The following MYH10 variants were observed in gnomAD, a reference collection of about 807,000 sequenced individuals.
MYH10 encodes myosin heavy chain 10, also known as myosin-10.
A neutral mutation model predicts 257.8 loss-of-function variants in MYH10; 55 were observed. The observed-to-expected ratio is 0.21, with a 90% CI of 0.17 to 0.27. The LOEUF (loss-of-function observed/expected upper bound fraction) is 0.27, where lower values mean the gene tolerates loss of function less well. MYH10 is among the 10% of genes least tolerant of loss of function. The pLI is 1.00. For synonymous variants in MYH10, 854 were observed against 921.7 expected (o/e 0.93, Z 1.33); for missense variants, 1,631 against 2,500.6 (o/e 0.65, Z 7.42).
chr17:8,505,055 C>T (rs2081030736), intron 27 of MYH10, 149 bp from the exon 28 acceptor site: 2 of 684,436 alleles, frequency 2.9e-6, no homozygotes, highest in African/African-American at 1.8e-5. Flanking sequence ...AGATGCTCAG[C>T]ACCTGCTAGG....
intron 16 of MYH10, among the ~76,000 whole-genome samples, chr17:8,532,750 TG>T (rs2082039326): frequency 6.6e-6 from 1 of 152,206 alleles, no homozygotes; most frequent in Non-Finnish European, 1.5e-5. Context: ...GTTTCTCAAC[TG>T]GATCACTAGC....
At chr17:8,534,513 G>A (rs2082088781) in intron 16 of MYH10, among the ~76,000 whole-genome samples, 1 of 152,070 alleles carries the variant, frequency 6.6e-6, no homozygotes, top group Non-Finnish European at 1.5e-5. Flanking sequence ...TCTTTCCTTT[G>A]GCCCCAATTG....
chr17:8,546,137 C>A (rs143023556), intron 12 of MYH10, among the ~76,000 whole-genome samples: 1 of 151,816 alleles, frequency 6.6e-6, no homozygotes, highest in African/African-American at 2.4e-5. Flanking sequence ...CAGCTCACTA[C>A]AACCTCCGCC....
At chr17:8,484,447 A>G (rs2151790992) in intron 36 of MYH10, among the ~76,000 whole-genome samples, 181 bp from the exon 37 acceptor site, 1 of 152,316 alleles carries the variant, frequency 6.6e-6, no homozygotes, top group Admixed American at 6.5e-5. Flanking sequence ...GCTTGTAAAC[A>G]TGGTATTTTT....
intron 4 of MYH10, among the ~76,000 whole-genome samples, chr17:8,586,090 G>A (rs2083906958): frequency 6.6e-6 from 1 of 152,158 alleles, no homozygotes; most frequent in African/African-American, 2.4e-5. Flanking sequence ...GAGGTTCCCA[G>A]ATTGAGAAAA....
chr17:8,541,717 T>C (rs570960400), intron 14 of MYH10, among the ~76,000 whole-genome samples: 105 of 152,292 alleles, frequency 6.9e-4, no homozygotes, highest in Non-Finnish European at 1.4e-3. Flanking sequence ...GGCCAAACTT[T>C]AGTTATCTGC....
intron 3 of MYH10, among the ~76,000 whole-genome samples, 194 bp downstream of exon 3, chr17:8,604,632 T>C (rs1049295227): frequency 6.6e-6 from 1 of 152,202 alleles, no homozygotes; most frequent in Non-Finnish European, 1.5e-5. Flanking sequence ...ACAAACATAC[T>C]TATCATACTT....
chr17:8,561,195 T>C (rs2082981068), intron 7 of MYH10: 1 of 719,404 alleles, frequency 1.4e-6, no homozygotes, highest in South Asian at 1.5e-5. Flanking sequence ...AAAATTAAGA[T>C]TTGGGGCCTC....
rs1229528990 is a variant in MYH10 at position 8,506,507 on chromosome 17, A to G, written c.3215-18T>C. On this transcript the variant is annotated intron_variant, in intron 26 of 42. Coordinates refer to ENST00000360416, the MANE Select transcript of MYH10 (RefSeq NM_001256012.3). The surrounding 1 kb of genome is among the most constrained non-coding windows in gnomAD (Gnocchi z 5.0). ...TAAGCGTTCTTTAAGGTAAGACATA[A>G]GAAGCTCTTCAACACACCGAGTGAC... The G allele has an allele frequency of 2.5e-6, 4 of 1,607,004 alleles. No homozygotes were observed. The East Asian group carries it at 8.9e-5, about 36-fold the overall frequency.
At chr17:8,572,223 C>CCT (rs71699225) in intron 6 of MYH10, among the ~76,000 whole-genome samples, 11 of 143,454 alleles carry the variant, frequency 7.7e-5, no homozygotes, top group African/African-American at 2.8e-4. Context: ...CTTTTCTTTT[C>CCT]CTCTCTGTGT....
intron 2 of MYH10, among the ~76,000 whole-genome samples, chr17:8,619,298 T>C (rs1040059860): frequency 9.2e-5 from 14 of 152,356 alleles, no homozygotes; most frequent in Non-Finnish European, 1.2e-4. Context: ...AAAATGGTGC[T>C]AGTACAGTTT....
chr17:8,481,444 T>C (rs1913788654), intron 37 of MYH10, 34 bp from the exon 38 acceptor site: 1 of 1,599,310 alleles, frequency 6.3e-7, no homozygotes, highest in Non-Finnish European at 8.6e-7. Flanking sequence ...GCTCTGGCTG[T>C]GAATAGTTTC....
At chr17:8,528,822 G>T (rs1367936696) in intron 17 of MYH10, among the ~76,000 whole-genome samples, 1 of 152,168 alleles carries the variant, frequency 6.6e-6, no homozygotes, top group East Asian at 1.9e-4. Flanking sequence ...GCATTAAAGA[G>T]AAAACGATTT....
chr17:8,625,365 G>T (rs1416412464), intron 1 of MYH10, among the ~76,000 whole-genome samples: 1 of 152,312 alleles, frequency 6.6e-6, no homozygotes, highest in East Asian at 1.9e-4. Context: ...TTCTATAGTA[G>T]CGGCTGTCAA....
chr17:8,510,415 T>C (rs1444364275), intron 24 of MYH10, among the ~76,000 whole-genome samples: 2 of 152,210 alleles, frequency 1.3e-5, no homozygotes, highest in Non-Finnish European at 2.9e-5. Flanking sequence ...GGTCAATCCT[T>C]CTAGAAGCCA....
chr17:8,616,389 C>T (rs986829986), intron 2 of MYH10, among the ~76,000 whole-genome samples: 2 of 151,662 alleles, frequency 1.3e-5, no homozygotes, highest in African/African-American at 4.8e-5. Context: ...CTATAATAAC[C>T]AATAAGTAAA....
chr17:8,540,925 T>C (rs1036454542), intron 14 of MYH10, among the ~76,000 whole-genome samples: 1 of 152,204 alleles, frequency 6.6e-6, no homozygotes, highest in Non-Finnish European at 1.5e-5. Context: ...AATGACCCTA[T>C]AAGCTACAAA....
chr17:8,530,379 G>A (rs879369923), intron 17 of MYH10, among the ~76,000 whole-genome samples: 6 of 152,216 alleles, frequency 3.9e-5, no homozygotes, highest in Non-Finnish European at 8.8e-5. Flanking sequence ...AAGAAGCAAT[G>A]TGTAGGCAGT....
At chr17:8,586,561 AAAC>A (rs1352310813) in intron 4 of MYH10, among the ~76,000 whole-genome samples, 1 of 152,248 alleles carries the variant, frequency 6.6e-6, no homozygotes, top group African/African-American at 2.4e-5. Flanking sequence ...GAATGGAAGA[AAAC>A]AAACATGGTA....
Sources: allele counts gnomAD v4.1 joint callset (sites outside exome capture counted in the v4.1 genomes callset), GRCh38; gene constraint gnomAD v4.1.1; non-coding constraint Gnocchi (gnomAD v3.1); transcripts MANE v1.5; gene names NCBI Gene and HGNC (gene_info 2026-07-23, HGNC 2026-07-21).